Variants in PREX1 observed in about 807,000 individuals in gnomAD.
PREX1 encodes the protein phosphatidylinositol-3,4,5-trisphosphate dependent Rac exchange factor 1.
Under a neutral mutation model 198.3 loss-of-function variants are expected in PREX1, and 41 were observed. The ratio of observed to expected loss-of-function variants is 0.21; its 90% confidence interval spans 0.16 to 0.27. The LOEUF is 0.27. Ranked by LOEUF, PREX1 falls within the 10% of genes least tolerant of loss-of-function variation. The probability of loss-of-function intolerance (pLI) is 1.00; values close to 1 mark genes in which losing one functional copy is unlikely to be tolerated. For missense variants in PREX1, 1,620 were observed against 2,200.7 expected (o/e 0.74, Z 5.28); for synonymous variants, 843 against 887.2 (o/e 0.95, Z 0.89).
At chr20:48,823,768 G>A (rs2090497593) in intron 1 of PREX1, among the ~76,000 whole-genome samples, 1 of 152,172 alleles carries the variant, frequency 6.6e-6, no homozygotes, top group South Asian at 2.1e-4. Flanking sequence ...AATAAATCAT[G>A]TGCCAAGCCC....
At chr20:48,814,798 A>T (rs2090452752) in intron 1 of PREX1, among the ~76,000 whole-genome samples, 1 of 152,182 alleles carries the variant, frequency 6.6e-6, no homozygotes. Flanking sequence ...GCTAAACCGA[A>T]CCCTGTCAGT....
At chr20:48,629,390 A>C in intron 37 of PREX1, 59 bp downstream of exon 37, 1 of 1,582,898 alleles carries the variant, frequency 6.3e-7, no homozygotes, top group African/African-American at 1.3e-5. Context: ...AGGACCCCAA[A>C]CTGACCAGAA....
chr20:48,653,520 A>G, intron 19 of PREX1, 23 bp from the exon 20 acceptor site: 1 of 1,591,756 alleles, frequency 6.3e-7, no homozygotes, highest in Non-Finnish European at 8.6e-7. Flanking sequence ...GGAGCACATG[A>G]GGCTGGATGC....
the PREX1 span, among the ~76,000 whole-genome samples, chr20:48,858,579 G>T: frequency 6.6e-6 from 1 of 152,234 alleles, no homozygotes; most frequent in Non-Finnish European, 1.5e-5. Context: ...GAGCTTATCA[G>T]CTCTGTCCTG....
the PREX1 span, among the ~76,000 whole-genome samples, chr20:48,880,991 A>AT: frequency 6.7e-6 from 1 of 149,854 alleles, no homozygotes; most frequent in South Asian, 2.1e-4. Context: ...TAAAAAAAAA[A>AT]AAAAAAAAAA....
At chr20:48,708,781 G>T (rs2089915502) in intron 5 of PREX1, among the ~76,000 whole-genome samples, 1 of 152,148 alleles carries the variant, frequency 6.6e-6, no homozygotes, top group Non-Finnish European at 1.5e-5. Context: ...GTGGTGCGAA[G>T]GGTCTGAGGC....
chr20:48,668,339 G>A lies in PREX1; in HGVS notation c.1666-1984C>T, dbSNP rs184786409. On this transcript the variant is annotated intron_variant, in intron 14 of 39. Transcript: ENST00000371941. ...CAGGAGCCGGCACTGCTGTGTCCCC[G>A]CTCAATCCTAAGTGCTGGGAACGGG... 2.3e-3 allele frequency among the ~76,000 whole-genome samples: 344 copies of A among 152,322 alleles called. 2 individuals are homozygous for A. The highest frequency in any genetic ancestry group is 6.9e-3 in the African/African-American group (287 of 41,574).
chr20:48,705,062 C>T (rs2123078675), intron 6 of PREX1, among the ~76,000 whole-genome samples: 1 of 152,338 alleles, frequency 6.6e-6, no homozygotes, highest in East Asian at 1.9e-4. Context: ...CTCCTCCTGA[C>T]ATGTATTGGG....
Position 48,801,591 on chromosome 20 carries a change from G to A in PREX1, c.219+26051C>T, listed in dbSNP as rs534923458. Among the ~76,000 whole-genome samples the A allele has an allele frequency of 6.6e-5, 10 of 152,242 alleles. No homozygotes were observed. The South Asian group carries it at 8.3e-4, about 13-fold the overall frequency. On this transcript the variant is annotated intron_variant, in intron 1 of 39. Transcript: ENST00000371941. ...ACCAGCCTGCGTCCTGCATCCAGTCGCTCCTCTCCTCCCACCACCACCCTG... is the reference window on the plus strand; with the variant it reads ...ACCAGCCTGCGTCCTGCATCCAGTCACTCCTCTCCTCCCACCACCACCCTG...
the PREX1 span, among the ~76,000 whole-genome samples, chr20:48,853,147 CA>C: frequency 1.3e-5 from 2 of 152,006 alleles, no homozygotes; most frequent in Admixed American, 6.5e-5. Context: ...TAAAAATAAA[CA>C]AAAATTTTAA....
At chr20:48,755,853 C>G (rs1426521117) in intron 1 of PREX1, among the ~76,000 whole-genome samples, 2 of 152,194 alleles carry the variant, frequency 1.3e-5, no homozygotes, top group Non-Finnish European at 2.9e-5. Context: ...ATTTCCCTTT[C>G]CAGATTTCTA....
At chr20:48,705,791 C>A (rs1466800045) in intron 6 of PREX1, among the ~76,000 whole-genome samples, 1 of 152,176 alleles carries the variant, frequency 6.6e-6, no homozygotes, top group Admixed American at 6.5e-5. Flanking sequence ...TATTCCACAC[C>A]TCACTTTATC....
In PREX1 at chr20:48,636,700, G is replaced by A. The variant is rs111831289; in HGVS notation, c.3947-17C>T. 4.0e-3 allele frequency: 6,309 copies of A among 1,580,770 alleles called. 214 individuals are homozygous for A. The African/African-American group carries it at 0.075, about 19-fold the overall frequency. On this transcript the variant is annotated splice_polypyrimidine_tract_variant and intron_variant, in intron 31 of 39. Transcript: ENST00000371941. ...GCTCCGTGTCTGGGGGCAGAGGGCA[G>A]GAGGCCTTGCTGGAGGGGCGCTCCC...
At chr20:48,631,643 C>G (rs2089315100) in intron 35 of PREX1, among the ~76,000 whole-genome samples, 2 of 152,198 alleles carry the variant, frequency 1.3e-5, no homozygotes, top group African/African-American at 2.4e-5. Context: ...TCTCTCATTT[C>G]CAAATGATGA....
chr20:48,764,060 T>A (rs1308095525), intron 1 of PREX1, among the ~76,000 whole-genome samples: 1 of 152,152 alleles, frequency 6.6e-6, no homozygotes, highest in African/African-American at 2.4e-5. Context: ...TTCTGCCACA[T>A]CCACTCTAAC....
intron 1 of PREX1, among the ~76,000 whole-genome samples, chr20:48,809,459 C>G (rs2090425342): frequency 6.6e-6 from 1 of 152,210 alleles, no homozygotes; most frequent in Admixed American, 6.5e-5. Flanking sequence ...ACATCCCTCA[C>G]CCAGGAGGCA....
the PREX1 span, among the ~76,000 whole-genome samples, chr20:48,860,129 G>A: frequency 1.3e-5 from 2 of 152,238 alleles, no homozygotes; most frequent in Admixed American, 1.3e-4. Context: ...CAATGCAAGT[G>A]TCCAACCACA....
chr20:48,775,159 G>A (rs1467372781), intron 1 of PREX1, among the ~76,000 whole-genome samples: 2 of 152,176 alleles, frequency 1.3e-5, no homozygotes, highest in East Asian at 3.9e-4. Flanking sequence ...ACGTCCAGAA[G>A]GACAGGCACT....
At chr20:48,761,204 A>G (rs534783337) in intron 1 of PREX1, among the ~76,000 whole-genome samples, 6 of 152,354 alleles carry the variant, frequency 3.9e-5, no homozygotes, top group East Asian at 1.9e-4. Flanking sequence ...CCCGAGGCAC[A>G]TTCAGTCTTT....
Sources: gnomAD v4.1 joint callset for allele counts (sites outside exome capture counted in the v4.1 genomes callset) on GRCh38, gnomAD v4.1.1 for gene constraint, MANE v1.5 for transcripts, NCBI Gene and HGNC (gene_info 2026-07-23, HGNC 2026-07-21) for gene names.